Variants in CFAP299 observed in about 807,000 individuals in gnomAD.
CFAP299 encodes the protein cilia- and flagella-associated protein 299.
In CFAP299, 21 loss-of-function variants were observed where a neutral mutation model predicts 27.0. That is an observed-to-expected ratio of 0.78 (90% CI 0.55 to 1.12). The LOEUF is 1.12. Ranked by LOEUF, CFAP299 falls within the 50% of genes most tolerant of loss-of-function variation. The pLI is 0.00. For missense variants in CFAP299, 310 were observed against 276.6 expected (o/e 1.12, Z -0.86); for synonymous variants, 104 against 98.1 (o/e 1.06, Z -0.36).
chr4:80,439,355 T>A (rs1728237779), intron 2 of CFAP299, among the ~76,000 whole-genome samples: 1 of 152,020 alleles, frequency 6.6e-6, no homozygotes, highest in African/African-American at 2.4e-5. Context: ...ACCAAGCTCA[T>A]CTCATTGGGA....
chr4:80,341,438 C>T (rs1306936986), intron 1 of CFAP299, among the ~76,000 whole-genome samples: 2 of 152,152 alleles, frequency 1.3e-5, no homozygotes, highest in Admixed American at 6.5e-5. Context: ...TCTGGGCCAG[C>T]AACAGGTCAG....
intron 2 of CFAP299, among the ~76,000 whole-genome samples, chr4:80,510,739 A>G (rs1279558504): frequency 1.3e-5 from 2 of 152,160 alleles, no homozygotes; most frequent in African/African-American, 2.4e-5. Context: ...TGTAAATATG[A>G]TTTGATAATA....
At chr4:80,331,598 C>T (rs148248799), upstream of CFAP299, among the ~76,000 whole-genome samples, 21 of 152,202 alleles carry the variant, frequency 1.4e-4, no homozygotes, top group South Asian at 8.3e-4. Context: ...TCAGGGGTGA[C>T]GGAGAAGTAA....
chr4:80,673,950 C>T (rs1190787552), intron 3 of CFAP299, among the ~76,000 whole-genome samples: 1 of 151,280 alleles, frequency 6.6e-6, no homozygotes, highest in African/African-American at 2.4e-5. Context: ...GAATATAGCA[C>T]ACTGATGTGT....
At chr4:80,576,121 A>C in intron 2 of CFAP299, among the ~76,000 whole-genome samples, 1 of 151,696 alleles carries the variant, frequency 6.6e-6, no homozygotes, top group East Asian at 1.9e-4. Context: ...CCAACATGAC[A>C]CATGTATACA....
chr4:80,588,376 C>T (rs1736553936), intron 3 of CFAP299, among the ~76,000 whole-genome samples: 1 of 150,280 alleles, frequency 6.7e-6, no homozygotes, highest in Admixed American at 6.6e-5. Context: ...GATGCTAAAG[C>T]TTAGTTCTAG....
intron 3 of CFAP299, among the ~76,000 whole-genome samples, chr4:80,720,123 A>G (rs972386238): frequency 3.9e-5 from 6 of 152,158 alleles, no homozygotes; most frequent in African/African-American, 1.2e-4. Context: ...CAAGGCATCT[A>G]TGGTCACTGA....
At chr4:80,754,232 G>T (rs969850280) in intron 3 of CFAP299, among the ~76,000 whole-genome samples, 1 of 152,024 alleles carries the variant, frequency 6.6e-6, no homozygotes, top group African/African-American at 2.4e-5. Context: ...GTATTACCTT[G>T]TATTTAGGGT....
intron 3 of CFAP299, among the ~76,000 whole-genome samples, chr4:80,695,740 A>G (rs578177357): frequency 1.3e-4 from 19 of 147,096 alleles, no homozygotes; most frequent in Admixed American, 7.6e-4. Context: ...TGGCATAATC[A>G]TGGCTCACTG....
At chr4:80,353,122 T>G (rs569769890) in intron 1 of CFAP299, among the ~76,000 whole-genome samples, 1 of 152,358 alleles carries the variant, frequency 6.6e-6, no homozygotes, top group African/African-American at 2.4e-5. Context: ...CAAAAGTTAC[T>G]TTTATAAAAT....
chr4:80,370,510 C>A (rs1165255652), intron 2 of CFAP299, among the ~76,000 whole-genome samples: 3 of 152,260 alleles, frequency 2.0e-5, no homozygotes, highest in Middle Eastern at 6.8e-3. Context: ...CCTGTAAAAT[C>A]AAAAACAAGT....
chr4:80,952,197 C>T (rs1315677825), intron 5 of CFAP299, among the ~76,000 whole-genome samples: 2 of 152,032 alleles, frequency 1.3e-5, no homozygotes, highest in Non-Finnish European at 2.9e-5. Context: ...TAGCTCCATG[C>T]CTGCACATGG....
chr4:80,387,027 C>A, intron 2 of CFAP299: 1 of 1,285,646 alleles, frequency 7.8e-7, no homozygotes. Flanking sequence ...CTGCAGGTAG[C>A]GTTCACAAGG....
At chr4:80,473,683 G>A (rs1458322367) in intron 2 of CFAP299, among the ~76,000 whole-genome samples, 2 of 152,054 alleles carry the variant, frequency 1.3e-5, no homozygotes, top group Non-Finnish European at 2.9e-5. Flanking sequence ...CCTTCTTCCC[G>A]CCTCAGCTTC....
intron 2 of CFAP299, chr4:80,420,251 A>G (rs1021287714): frequency 1.3e-5 from 6 of 455,820 alleles, no homozygotes; most frequent in African/African-American, 1.2e-4. Flanking sequence ...AGATCTGGAC[A>G]AAGAAAAGCC....
chr4:80,757,207 A>G (rs890004102), intron 3 of CFAP299, among the ~76,000 whole-genome samples: 1 of 152,102 alleles, frequency 6.6e-6, no homozygotes, highest in Non-Finnish European at 1.5e-5. Context: ...ATTAATTCAC[A>G]TAAGAGAAAT....
At chr4:80,528,096 C>T (rs58341968) in intron 2 of CFAP299, among the ~76,000 whole-genome samples, 20,268 of 151,994 alleles carry the variant, frequency 0.13, 1,582 homozygotes, top group African/African-American at 0.21. Context: ...ATTTCTAGTA[C>T]AGTTGTAATT....
chr4:80,930,931 T>C (rs535292223), intron 4 of CFAP299, among the ~76,000 whole-genome samples: 26 of 152,242 alleles, frequency 1.7e-4, no homozygotes, highest in Non-Finnish European at 2.1e-4. Context: ...CCTTTTTTTT[T>C]CCCTCAGTCT....
At chr4:80,926,773 A>G (rs1446589291) in intron 4 of CFAP299, among the ~76,000 whole-genome samples, 2 of 152,104 alleles carry the variant, frequency 1.3e-5, no homozygotes, top group East Asian at 3.9e-4. Context: ...AGTACAATGG[A>G]AAGAGTTCTG....
Sources: allele counts gnomAD v4.1 joint callset (sites outside exome capture counted in the v4.1 genomes callset), GRCh38; gene constraint gnomAD v4.1.1; transcripts MANE v1.5; gene names NCBI Gene and HGNC (gene_info 2026-07-23, HGNC 2026-07-21).